The following CAPZA1 variants were observed in gnomAD, a reference collection of about 807,000 sequenced individuals.
The protein encoded by CAPZA1 is F-actin-capping protein subunit alpha-1.
Under a neutral mutation model 40.8 loss-of-function variants are expected in CAPZA1, and 10 were observed. That is an observed-to-expected ratio of 0.25 (90% CI 0.15 to 0.42). The LOEUF (loss-of-function observed/expected upper bound fraction) is 0.42. CAPZA1 is among the 10% of genes least tolerant of loss of function. The probability of loss-of-function intolerance (pLI) is 1.00; values close to 1 mark genes in which losing one functional copy is unlikely to be tolerated. For synonymous variants in CAPZA1, 98 were observed against 115.0 expected, an observed-to-expected ratio of 0.85 and a Z score of 0.95; for missense variants, 277 against 353.8, an observed-to-expected ratio of 0.78 and a Z score of 1.74.
intron 1 of CAPZA1, chr1:112,620,731 T>G (rs555826753): frequency 9.2e-5 from 14 of 152,378 alleles, no homozygotes; most frequent in African/African-American, 3.1e-4. Context: ...AATTTGTCAG[T>G]GTGCATTTTG....
At chr1:112,634,773 CTG>C (rs1159166324) in intron 1 of CAPZA1, 2 of 152,176 alleles carry the variant, frequency 1.3e-5, no homozygotes, top group Non-Finnish European at 1.5e-5. Context: ...TCTAAAAGAG[CTG>C]TAACAACTCC....
chr1:112,638,661 A>C (rs1306054554), intron 1 of CAPZA1, among the ~76,000 whole-genome samples: 1 of 151,764 alleles, frequency 6.6e-6, no homozygotes, highest in Non-Finnish European at 1.5e-5. Flanking sequence ...CAGGCCGGGC[A>C]CAGTGGCTCG....
intron 1 of CAPZA1, among the ~76,000 whole-genome samples, chr1:112,643,416 C>T (rs1450724669): frequency 6.6e-6 from 1 of 152,182 alleles, no homozygotes; most frequent in Non-Finnish European, 1.5e-5. Flanking sequence ...GGTTCTAAAA[C>T]TTTATGTACC....
chr1:112,653,716 A>G (rs992723172), intron 4 of CAPZA1, 55 bp downstream of exon 4: 7 of 1,191,802 alleles, frequency 5.9e-6, no homozygotes, highest in Admixed American at 4.4e-5. Context: ...GATCCTATTA[A>G]TGGAAACCAA....
intron 2 of CAPZA1, 42 bp from the exon 3 acceptor site, chr1:112,649,376 A>T: frequency 6.7e-7 from 1 of 1,502,258 alleles, no homozygotes; most frequent in Non-Finnish European, 9.2e-7. Context: ...AAATTTCTCA[A>T]ATTTATCCTC....
In CAPZA1 at chr1:112,656,466, T is replaced by TTTTTTTTTTTTTC. The variant is rs1553180448; in HGVS notation, c.426+1795_426+1796insTTTTTTTTTTTTC. Among the ~76,000 whole-genome samples, 60 of 94,410 alleles carry TTTTTTTTTTTTTC rather than the reference T, an allele frequency of 6.4e-4. 5 individuals are homozygous for TTTTTTTTTTTTTC. The highest frequency in any genetic ancestry group is 9.3e-4 in the Non-Finnish European group (42 of 45,274). The allele number at this position is 94,410 out of a possible 152,430, so 61.9% of individuals were successfully genotyped here. A position where few individuals can be genotyped will look rare whatever the true frequency, so the allele number is the denominator to read the frequency against. ...TTTTTTTTTTTTTTTTTTTTTTTTTTAATGAGAATACCCATTATGGTGGAC... is the reference window on the plus strand; with the variant it reads ...TTTTTTTTTTTTTTTTTTTTTTTTTTTTTTTTTTTTTTCAATGAGAATACCCATTATGGTGGAC... On this transcript the variant is annotated intron_variant, in intron 5 of 9. Coordinates refer to ENST00000263168, the MANE Select transcript of CAPZA1 (RefSeq NM_006135.3).
intron 7 of CAPZA1, among the ~76,000 whole-genome samples, chr1:112,664,230 CAAAAAAAA>C (rs570249032): frequency 9.1e-6 from 1 of 110,482 alleles, no homozygotes; most frequent in Admixed American, 9.3e-5. Context: ...GACACTGTCT[CAAAAAAAA>C]AAAAAAAAAA....
chr1:112,647,163 T>C, intron 1 of CAPZA1, 47 bp from the exon 2 acceptor site: 1 of 870,800 alleles, frequency 1.1e-6, no homozygotes, highest in Non-Finnish European at 1.8e-6. Flanking sequence ...TCCTTTTATA[T>C]GTTACTCTTC....
At chr1:112,660,553 T>A (rs1671585184) in intron 7 of CAPZA1, among the ~76,000 whole-genome samples, 1 of 152,162 alleles carries the variant, frequency 6.6e-6, no homozygotes, top group African/African-American at 2.4e-5. Flanking sequence ...ATGCTGGGAT[T>A]ACAGGCGTGA....
At chr1:112,653,773 T>C (rs945871778) in intron 4 of CAPZA1, 112 bp downstream of exon 4, 4 of 755,350 alleles carry the variant, frequency 5.3e-6, no homozygotes, top group Non-Finnish European at 9.0e-6. Context: ...TTAGTTTTTA[T>C]AGTTTTTGTG....
chr1:112,658,904 C>A, intron 5 of CAPZA1, 118 bp from the exon 6 acceptor site: 1 of 747,314 alleles, frequency 1.3e-6, no homozygotes, highest in Non-Finnish European at 2.4e-6. Context: ...GTGTTCTAAG[C>A]TCATTTTATG....
intron 3 of CAPZA1, among the ~76,000 whole-genome samples, chr1:112,652,796 T>G (rs1281215632): frequency 6.6e-6 from 1 of 152,184 alleles, no homozygotes. Flanking sequence ...TTTCCATCTT[T>G]CTTTTATCTT....
intron 1 of CAPZA1, among the ~76,000 whole-genome samples, chr1:112,644,065 G>A (rs1041898375): frequency 2.7e-5 from 4 of 150,738 alleles, no homozygotes; most frequent in Non-Finnish European, 4.4e-5. Flanking sequence ...GGTTGGTCTC[G>A]AACTCCTGAC....
At chr1:112,656,440 A>ATTATTT (rs1671501235) in intron 5 of CAPZA1, among the ~76,000 whole-genome samples, 1 of 45,754 alleles carries the variant, frequency 2.2e-5, no homozygotes, top group Non-Finnish European at 3.7e-5. Context: ...ATTATGTTTG[A>ATTATTT]TTTTTTTTTT....
intron 1 of CAPZA1, among the ~76,000 whole-genome samples, chr1:112,631,264 T>C (rs750203028): frequency 2.6e-5 from 4 of 152,228 alleles, no homozygotes; most frequent in Non-Finnish European, 4.4e-5. Flanking sequence ...AACAAATTGT[T>C]AAACACAAAG....
At chr1:112,632,793 G>C (rs1670945922) in intron 1 of CAPZA1, among the ~76,000 whole-genome samples, 1 of 152,148 alleles carries the variant, frequency 6.6e-6, no homozygotes, top group South Asian at 2.1e-4. Flanking sequence ...ACCTACTTAT[G>C]TCTAATAAAA....
chr1:112,619,922 C>G, intron 1 of CAPZA1, 39 bp downstream of exon 1: 4 of 1,556,400 alleles, frequency 2.6e-6, no homozygotes, highest in Non-Finnish European at 3.5e-6. Context: ...CCTCCCCCGA[C>G]AGGGAACTGG....
At chr1:112,653,449 A>G in intron 3 of CAPZA1, 149 bp from the exon 4 acceptor site, 4 of 588,762 alleles carry the variant, frequency 6.8e-6, no homozygotes, top group Non-Finnish European at 8.7e-6. Flanking sequence ...TTAACACTGG[A>G]TGTCTGGGGA....
In CAPZA1 at chr1:112,671,608, G is replaced by A. The variant is rs1026366363; in HGVS notation, c.*1476G>A. 2.6e-5 allele frequency: 4 copies of A among 152,506 alleles called. No homozygotes were observed. Among genetic ancestry groups the A allele is most frequent in the Non-Finnish European group, 5.9e-5 (4 of 68,004 alleles). 9.4% of individuals were successfully genotyped at this position (152,506 alleles called of 1,614,324 possible). A position where few individuals can be genotyped will look rare whatever the true frequency, so the allele number is the denominator to read the frequency against. Reference sequence around the variant, plus strand: ...AGTCTAATAGAAATATACCTGTTTTGTTCTAAAATTGTCTGAGTCTCTCCT... The same window carrying A: ...AGTCTAATAGAAATATACCTGTTTTATTCTAAAATTGTCTGAGTCTCTCCT... On this transcript the variant is annotated 3_prime_UTR_variant, in exon 10 of 10. Transcript: ENST00000263168.
Sources: gnomAD v4.1 joint callset for allele counts (sites outside exome capture counted in the v4.1 genomes callset) on GRCh38, gnomAD v4.1.1 for gene constraint, MANE v1.5 for transcripts, NCBI Gene and HGNC (gene_info 2026-07-23, HGNC 2026-07-21) for gene names.